Variants in MAN1C1 observed in about 807,000 individuals in gnomAD.
The protein encoded by MAN1C1 is mannosyl-oligosaccharide 1,2-alpha-mannosidase IC.
MAN1C1 carries 49 observed loss-of-function variants against 71.5 expected under a neutral mutation model. The ratio of observed to expected loss-of-function variants is 0.69; its 90% confidence interval spans 0.54 to 0.87. The LOEUF (loss-of-function observed/expected upper bound fraction) is 0.87, where lower values mean the gene tolerates loss of function less well. Among genes scored for constraint, MAN1C1 ranks in the 40% least tolerant of loss-of-function variants. The probability of loss-of-function intolerance (pLI) is 0.00; values close to 1 mark genes in which losing one functional copy is unlikely to be tolerated. For synonymous variants in MAN1C1, 352 were observed against 343.7 expected, an observed-to-expected ratio of 1.02 and a Z score of -0.27; for missense variants, 743 against 835.0, an observed-to-expected ratio of 0.89 and a Z score of 1.36.
rs1012176964 is a variant in MAN1C1, at chr1:25,730,214, C to T, written c.638-16454C>T. ...CTCAGATTATGGTCTGTCATAATCC[C>T]CTCCCTGCTTCCCTGTCAGTTTTTG... On this transcript the variant is annotated intron_variant, in intron 2 of 11. Coordinates refer to ENST00000374332, the MANE Select transcript of MAN1C1 (RefSeq NM_020379.4). This position sits in a 1 kb window ranked among gnomAD's most constrained non-coding sequence, Gnocchi z 4.3. Among the ~76,000 whole-genome samples, 1 of 152,106 alleles carries T rather than the reference C, an allele frequency of 6.6e-6. No homozygotes were observed. The highest frequency in any genetic ancestry group is 6.5e-5 in the Admixed American group (1 of 15,280).
intron 2 of MAN1C1, among the ~76,000 whole-genome samples, chr1:25,720,992 T>C (rs2046757807): frequency 6.6e-6 from 1 of 152,226 alleles, no homozygotes; most frequent in Non-Finnish European, 1.5e-5. Context: ...TATCAGGTAT[T>C]ATTTCTGGAC....
chr1:25,684,976 CA>C (rs1389848012), intron 1 of MAN1C1, among the ~76,000 whole-genome samples: 3 of 152,228 alleles, frequency 2.0e-5, no homozygotes, highest in Non-Finnish European at 4.4e-5. Flanking sequence ...TGGGGCCCAA[CA>C]GTCTGTTTTA....
chr1:25,637,186 G>T (rs1463281496), intron 1 of MAN1C1, among the ~76,000 whole-genome samples: 1 of 151,978 alleles, frequency 6.6e-6, no homozygotes, highest in Non-Finnish European at 1.5e-5. Context: ...AATAATTTAG[G>T]TCATACTTTA....
intron 2 of MAN1C1, among the ~76,000 whole-genome samples, chr1:25,722,029 C>A (rs1416316048): frequency 6.6e-6 from 1 of 152,216 alleles, no homozygotes; most frequent in Non-Finnish European, 1.5e-5. Flanking sequence ...ATTCTACTCT[C>A]ACGCTTAATC....
At chr1:25,774,968 G>A (rs954521125) in intron 8 of MAN1C1, among the ~76,000 whole-genome samples, 1 of 152,154 alleles carries the variant, frequency 6.6e-6, no homozygotes, top group Admixed American at 6.5e-5. Flanking sequence ...TTGCATCTGC[G>A]TGTCTCAGTT....
chr1:25,783,486 G>A (rs2047724952), intron 11 of MAN1C1, among the ~76,000 whole-genome samples, 177 bp from the exon 12 acceptor site: 2 of 152,126 alleles, frequency 1.3e-5, no homozygotes, highest in South Asian at 4.1e-4. Flanking sequence ...TGCAGCCACA[G>A]CCTCCTTCCC....
intron 2 of MAN1C1, among the ~76,000 whole-genome samples, chr1:25,743,806 A>T (rs1330759035): frequency 1.3e-5 from 2 of 152,218 alleles, no homozygotes; most frequent in African/African-American, 4.8e-5. Context: ...GAAATCAGAC[A>T]CTGCGGCTGC....
rs538940414 is a variant in MAN1C1 at position 25,769,811 on chromosome 1, G to A, written c.1142-1846G>A. 2.6e-5 allele frequency among the ~76,000 whole-genome samples: 4 copies of A among 152,330 alleles called. No homozygotes were observed. Among genetic ancestry groups the A allele is most frequent in the South Asian group, 2.1e-4 (1 of 4,832 alleles). On this transcript the variant is annotated intron_variant, in intron 7 of 11. Transcript: ENST00000374332. The surrounding 1 kb of genome is among the most constrained non-coding windows in gnomAD (Gnocchi z 4.8). ...CGCAGGCACTCATCGCACACCCGGCGGGCACCCGATGGCAAGGGGGGCCCA... is the reference window on the plus strand; with the variant it reads ...CGCAGGCACTCATCGCACACCCGGCAGGCACCCGATGGCAAGGGGGGCCCA...
intron 1 of MAN1C1, among the ~76,000 whole-genome samples, chr1:25,669,118 C>A (rs2045962534): frequency 1.3e-5 from 2 of 152,174 alleles, no homozygotes; most frequent in Non-Finnish European, 2.9e-5. Context: ...GCCGTGGGTT[C>A]ATTTGTGCCC....
Position 25,735,151 on chromosome 1 carries a change from G to A in MAN1C1, c.638-11517G>A, listed in dbSNP as rs147751196. Among the ~76,000 whole-genome samples, 2 of 152,326 alleles carry A rather than the reference G, an allele frequency of 1.3e-5. No homozygotes were observed. Among genetic ancestry groups the A allele is most frequent in the East Asian group, 1.9e-4 (1 of 5,184 alleles). On this transcript the variant is annotated intron_variant, in intron 2 of 11. Transcript: ENST00000374332. The surrounding 1 kb of genome is among the most constrained non-coding windows in gnomAD (Gnocchi z 4.6). Reference sequence around the variant, plus strand: ...TAGGCGGCCAGTCGCGGTGGCTCACGCCTGTTATCCCAGGCCTGTCTCGTG... The same window carrying A: ...TAGGCGGCCAGTCGCGGTGGCTCACACCTGTTATCCCAGGCCTGTCTCGTG...
rs552868567 is a variant in MAN1C1, at chr1:25,714,558, A to G, written c.637+28022A>G. Among the ~76,000 whole-genome samples the G allele has an allele frequency of 2.7e-4, 41 of 151,554 alleles. No homozygotes were observed. The Middle Eastern group carries it at 0.01, about 38-fold the overall frequency. On this transcript the variant is annotated intron_variant, in intron 2 of 11. Coordinates refer to ENST00000374332, the MANE Select transcript of MAN1C1 (RefSeq NM_020379.4). ...GTTCTGCATGAGCTTTTGAAAGCTT[A>G]GATAAATGAGGTGGCTCAGAAAGCA...
intron 2 of MAN1C1, among the ~76,000 whole-genome samples, chr1:25,716,419 A>G (rs1488639887): frequency 6.6e-6 from 1 of 151,864 alleles, no homozygotes; most frequent in Non-Finnish European, 1.5e-5. Context: ...TGCAACCTCC[A>G]CCTCCCAGGC....
intron 2 of MAN1C1, among the ~76,000 whole-genome samples, chr1:25,715,388 G>T (rs188485151): frequency 2.6e-5 from 4 of 152,326 alleles, no homozygotes; most frequent in Non-Finnish European, 5.9e-5. Flanking sequence ...TGTAGAAGGT[G>T]ATTCAGGGAC....
At chr1:25,653,597 T>C (rs762227924) in intron 1 of MAN1C1, among the ~76,000 whole-genome samples, 3 of 152,168 alleles carry the variant, frequency 2.0e-5, no homozygotes, top group African/African-American at 7.2e-5. Context: ...TCGGACCTAG[T>C]AGGTATCAGT....
intron 2 of MAN1C1, among the ~76,000 whole-genome samples, chr1:25,708,027 G>T (rs1396128788): frequency 6.6e-6 from 1 of 152,226 alleles, no homozygotes; most frequent in Admixed American, 6.5e-5. Context: ...CAGATCCCAT[G>T]AGAAAGTTCA....
In MAN1C1 at chr1:25,764,144, G is replaced by T. The variant is rs918688391; in HGVS notation, c.1141+177G>T. ...GCCTTCCCATGCATCCTGGGGGCTT[G>T]CCTGTGGTTGTCTGCTGCTGCAGTG... On this transcript the variant is annotated intron_variant, in intron 7 of 11. Transcript: ENST00000374332. The surrounding 1 kb of genome is among the most constrained non-coding windows in gnomAD (Gnocchi z 4.4). Among the ~76,000 whole-genome samples the T allele has an allele frequency of 3.3e-5, 5 of 152,220 alleles. No homozygotes were observed. In the East Asian group the frequency reaches 9.6e-4, roughly 29 times the overall value.
At chr1:25,688,344 A>C (rs998432476) in intron 2 of MAN1C1, among the ~76,000 whole-genome samples, 3 of 152,222 alleles carry the variant, frequency 2.0e-5, no homozygotes, top group African/African-American at 7.2e-5. Context: ...AGATCCCATC[A>C]AAGTTGTGGA....
rs1357283876 is a variant in MAN1C1, at chr1:25,769,346, T to G, written c.1142-2311T>G. ...ATACACCTACATACACCACACACAT[T>G]CATTCACCACACATACACACTCACC... On this transcript the variant is annotated intron_variant, in intron 7 of 11. Transcript: ENST00000374332. This position sits in a 1 kb window ranked among gnomAD's most constrained non-coding sequence, Gnocchi z 4.8. 6.8e-6 allele frequency among the ~76,000 whole-genome samples: 1 copy of G among 147,932 alleles called. No homozygotes were observed.
intron 5 of MAN1C1, among the ~76,000 whole-genome samples, chr1:25,756,109 A>G (rs1158531986): frequency 6.6e-6 from 1 of 152,268 alleles, no homozygotes; most frequent in East Asian, 1.9e-4. Context: ...CACCTGGCAC[A>G]GATCAGAAAC....
Sources: gnomAD v4.1 joint callset for allele counts (sites outside exome capture counted in the v4.1 genomes callset) on GRCh38, gnomAD v4.1.1 for gene constraint, Gnocchi (gnomAD v3.1) non-coding constraint, MANE v1.5 for transcripts, NCBI Gene and HGNC (gene_info 2026-07-23, HGNC 2026-07-21) for gene names.